RMP64: variants seen among roughly 807,000 people sequenced by gnomAD.
RMP64 encodes nucleolus and neural progenitor protein.
At chr3:113,008,528 T>C in the RMP64 span, 1 of 1,082,726 alleles carries the variant, frequency 9.2e-7, no homozygotes, top group Middle Eastern at 2.8e-4. Flanking sequence ...AATTTAAAAA[T>C]TAGAATTATC....
chr3:113,017,709 C>A, the RMP64 span: 2 of 1,018,778 alleles, frequency 2.0e-6, no homozygotes, highest in African/African-American at 1.6e-5. Flanking sequence ...TTAAAGGAAT[C>A]AAAAACTAAT....
chr3:113,006,442 G>A, the RMP64 span, among the ~76,000 whole-genome samples: 1 of 152,136 alleles, frequency 6.6e-6, no homozygotes, highest in Non-Finnish European at 1.5e-5. Context: ...AAGGAAAAAG[G>A]AATAAAGGCT....
the RMP64 span, among the ~76,000 whole-genome samples, chr3:113,016,835 T>C: frequency 1.3e-5 from 2 of 152,154 alleles, no homozygotes; most frequent in Non-Finnish European, 2.9e-5. Context: ...TTCCAGAAAA[T>C]ACTTGCAGAA....
the RMP64 span, chr3:113,004,532 T>A: frequency 6.6e-6 from 1 of 152,196 alleles, no homozygotes; most frequent in Non-Finnish European, 1.5e-5. Flanking sequence ...AGGTACTACT[T>A]TCTTTTTCTT....
At chr3:113,003,068 T>G in the RMP64 span, 1 of 152,534 alleles carries the variant, frequency 6.6e-6, no homozygotes, top group Admixed American at 6.5e-5. Context: ...GTGATAAAGT[T>G]GGTACTAGGA....
At chr3:113,014,032 C>T in the RMP64 span, 1 of 1,607,176 alleles carries the variant, frequency 6.2e-7, no homozygotes, top group Non-Finnish European at 8.5e-7. Flanking sequence ...CATTGCTCAA[C>T]CTGAAAGAAG....
At chr3:113,008,951 A>G in the RMP64 span, among the ~76,000 whole-genome samples, 1 of 152,200 alleles carries the variant, frequency 6.6e-6, no homozygotes, top group Admixed American at 6.5e-5. Flanking sequence ...CCTCTTCGCT[A>G]CACCACCAGA....
chr3:113,017,646 G>GT, the RMP64 span: 2 of 1,540,264 alleles, frequency 1.3e-6, no homozygotes, highest in Non-Finnish European at 8.9e-7. Context: ...TATTTCTACA[G>GT]TAAGTATATT....
At chr3:113,008,292 C>G in the RMP64 span, 106 of 1,614,048 alleles carry the variant, frequency 6.6e-5, no homozygotes, top group South Asian at 1.1e-3. Context: ...TGGATTTCTT[C>G]AGAAAGTTGT....
the RMP64 span, chr3:113,005,663 T>G: frequency 2.5e-6 from 4 of 1,613,904 alleles, no homozygotes; most frequent in Non-Finnish European, 3.4e-6. Flanking sequence ...GCCTCTAAGA[T>G]TTTCATGAAT....
chr3:113,018,525 T>G, the RMP64 span, among the ~76,000 whole-genome samples: 2 of 152,170 alleles, frequency 1.3e-5, no homozygotes, highest in South Asian at 4.1e-4. Flanking sequence ...CCAACCCGCC[T>G]TATTTTGTTG....
the RMP64 span, chr3:113,004,581 G>A: frequency 2.0e-5 from 3 of 152,138 alleles, no homozygotes; most frequent in African/African-American, 7.2e-5. Flanking sequence ...CACTAGAGAA[G>A]CTTAATAACC....
the RMP64 span, among the ~76,000 whole-genome samples, chr3:113,006,698 A>G: frequency 6.6e-6 from 1 of 152,192 alleles, no homozygotes; most frequent in African/African-American, 2.4e-5. Context: ...TAAAACTTTG[A>G]GGAAGCCCAT....
At chr3:113,002,958 C>T in the RMP64 span, 23 of 152,460 alleles carry the variant, frequency 1.5e-4, 1 homozygote, top group African/African-American at 4.8e-4. Context: ...GTTGCCACAG[C>T]AGTGACTTTA....
At chr3:113,005,515 G>T in the RMP64 span, 45 of 1,456,198 alleles carry the variant, frequency 3.1e-5, no homozygotes, top group Non-Finnish European at 3.8e-5. Context: ...TCACTTAAAA[G>T]TCTCACATAT....
chr3:113,018,780 TC>T, the RMP64 span, among the ~76,000 whole-genome samples: 6 of 152,058 alleles, frequency 3.9e-5, no homozygotes, highest in Non-Finnish European at 5.9e-5. Context: ...AACTCTTTCA[TC>T]CCCCCAAACA....
the RMP64 span, among the ~76,000 whole-genome samples, chr3:113,018,643 CAAAG>C: frequency 6.6e-6 from 1 of 152,176 alleles, no homozygotes; most frequent in Non-Finnish European, 1.5e-5. Flanking sequence ...CAACCGGAAA[CAAAG>C]AACCCATGAC....
At chr3:113,004,462 A>T in the RMP64 span, 3 of 152,222 alleles carry the variant, frequency 2.0e-5, no homozygotes, top group African/African-American at 7.2e-5. Context: ...AAAGAATGGA[A>T]GGGAAATAAC....
At chr3:113,014,938 T>G in the RMP64 span, 1 of 152,212 alleles carries the variant, frequency 6.6e-6, no homozygotes, top group Non-Finnish European at 1.5e-5. Flanking sequence ...CCTCAAAGGA[T>G]GGTGTCCAGA....
Sources: allele counts gnomAD v4.1 joint callset (sites outside exome capture counted in the v4.1 genomes callset), GRCh38; gene constraint gnomAD v4.1.1; transcripts MANE v1.5; gene names NCBI Gene and HGNC (gene_info 2026-07-23, HGNC 2026-07-21).